Variants in KCNMA1 observed in about 807,000 individuals in gnomAD.
The protein encoded by KCNMA1 is Calcium-activated potassium channel subunit alpha-1.
In KCNMA1, 29 loss-of-function variants were observed where a neutral mutation model predicts 140.0. The ratio of observed to expected loss-of-function variants is 0.21; its 90% CI spans 0.15 to 0.28. KCNMA1 has a LOEUF of 0.28. KCNMA1 is among the 10% of genes least tolerant of loss of function. The pLI is 1.00. For missense variants in KCNMA1, 880 were observed against 1,602.2 expected (o/e 0.55, Z 7.70); for synonymous variants, 612 against 611.9 (o/e 1.00, Z 0.00).
At chr10:77,111,428 C>T (rs1196574642) in intron 7 of KCNMA1, among the ~76,000 whole-genome samples, 1 of 152,190 alleles carries the variant, frequency 6.6e-6, no homozygotes, top group Non-Finnish European at 1.5e-5. Context: ...AAGGTGGGGT[C>T]ATCATCTTAT....
chr10:77,441,890 G>A (rs964655689), intron 1 of KCNMA1, among the ~76,000 whole-genome samples: 2 of 151,874 alleles, frequency 1.3e-5, no homozygotes, highest in Non-Finnish European at 2.9e-5. Context: ...TCCCTAGTTG[G>A]CAGGATTGGA....
chr10:77,237,329 T>C (rs1330573349), intron 3 of KCNMA1, among the ~76,000 whole-genome samples: 1 of 152,210 alleles, frequency 6.6e-6, no homozygotes, highest in Non-Finnish European at 1.5e-5. Flanking sequence ...AAAGACTTCA[T>C]AGCTTGGAAA....
chr10:77,151,359 C>G (rs1223760192), intron 5 of KCNMA1, among the ~76,000 whole-genome samples: 2 of 149,650 alleles, frequency 1.3e-5, no homozygotes, highest in African/African-American at 5.0e-5. Context: ...CCCCAAGTAG[C>G]TAGGGACTCA....
chr10:76,965,742 C>A (rs1252105916), intron 20 of KCNMA1, among the ~76,000 whole-genome samples: 1 of 152,140 alleles, frequency 6.6e-6, no homozygotes, highest in Non-Finnish European at 1.5e-5. Flanking sequence ...AACATACTCA[C>A]CTGTAAAATG....
At chr10:77,190,542 C>G (rs1000445060) in intron 3 of KCNMA1, among the ~76,000 whole-genome samples, 1 of 152,136 alleles carries the variant, frequency 6.6e-6, no homozygotes, top group Admixed American at 6.6e-5. Flanking sequence ...ATCTACAGAG[C>G]CTCGCCTGGG....
intron 4 of KCNMA1, 88 bp downstream of exon 4, chr10:77,184,735 C>T (rs2098834201): frequency 5.8e-6 from 5 of 864,832 alleles, no homozygotes; most frequent in Non-Finnish European, 6.0e-6. Context: ...AATATCTTGA[C>T]TGCGAGAGCA....
intron 2 of KCNMA1, among the ~76,000 whole-genome samples, chr10:77,258,502 G>A (rs542014913): frequency 1.3e-5 from 2 of 152,282 alleles, no homozygotes; most frequent in Non-Finnish European, 2.9e-5. Context: ...CCTTGCCTCT[G>A]TGAGCTTTGA....
chr10:77,417,260 C>T (rs2096762678), intron 1 of KCNMA1, among the ~76,000 whole-genome samples: 1 of 152,238 alleles, frequency 6.6e-6, no homozygotes, highest in African/African-American at 2.4e-5. Context: ...TCTTTTGGTC[C>T]ATGCATGTTG....
chr10:77,559,139 T>C (rs1035680671), intron 1 of KCNMA1, among the ~76,000 whole-genome samples: 3 of 152,224 alleles, frequency 2.0e-5, no homozygotes, highest in Admixed American at 6.5e-5. Context: ...TGAGGTCTAA[T>C]GGTGGCCTCT....
At chr10:77,185,156 T>C (rs981517782) in intron 3 of KCNMA1, among the ~76,000 whole-genome samples, 2 of 152,104 alleles carry the variant, frequency 1.3e-5, no homozygotes, top group Admixed American at 6.6e-5. Flanking sequence ...TTATATACTA[T>C]CATTTTTTAT....
intron 9 of KCNMA1, among the ~76,000 whole-genome samples, chr10:77,104,553 A>G (rs1437753956): frequency 1.3e-5 from 2 of 151,992 alleles, no homozygotes; most frequent in Admixed American, 6.6e-5. Context: ...AACCCATCCC[A>G]TTCTCTCTGT....
chr10:77,387,091 T>G (rs185031489), intron 2 of KCNMA1, among the ~76,000 whole-genome samples: 1 of 152,172 alleles, frequency 6.6e-6, no homozygotes, highest in East Asian at 1.9e-4. Context: ...GTGTGCTTCA[T>G]GCAAAGAGAA....
At chr10:77,171,462 AGGTATGTTCCTCT>A (rs2098707955) in intron 5 of KCNMA1, among the ~76,000 whole-genome samples, 1 of 150,238 alleles carries the variant, frequency 6.7e-6, no homozygotes, top group Non-Finnish European at 1.5e-5. Context: ...TCAGGTATTC[AGGTATGTTCCTCT>A]GGTTTAAGAA....
chr10:76,870,130 A>G (rs1327820561), exon 28 of KCNMA1: 1 of 152,802 alleles, frequency 6.5e-6, no homozygotes, highest in Non-Finnish European at 1.5e-5. Flanking sequence ...ATTGAGCGGA[A>G]GGAAGGGGAG....
chr10:76,954,184 A>C (rs1176142477), intron 20 of KCNMA1, among the ~76,000 whole-genome samples: 2 of 151,962 alleles, frequency 1.3e-5, no homozygotes, highest in African/African-American at 4.8e-5. Context: ...TGGTCTTCCT[A>C]ACATTTTGTG....
chr10:77,524,053 G>C (rs1277545484), intron 1 of KCNMA1, among the ~76,000 whole-genome samples: 1 of 151,916 alleles, frequency 6.6e-6, no homozygotes, highest in African/African-American at 2.4e-5. Flanking sequence ...ACATCTCATG[G>C]GCTCCATAAA....
intron 20 of KCNMA1, among the ~76,000 whole-genome samples, chr10:76,963,586 C>G (rs2072586683): frequency 6.6e-6 from 1 of 152,096 alleles, no homozygotes. Context: ...TTGAAGGAGG[C>G]GCCTCACATT....
In KCNMA1 at chr10:76,885,194, C is replaced by A; in HGVS notation, c.*2072G>T. 1 of 876,006 alleles carries A rather than the reference C, an allele frequency of 1.1e-6. No homozygotes were observed. The allele number at this position is 876,006 out of a possible 1,614,324, so 54.3% of individuals were successfully genotyped here. ...CTTCATGATCCAATACTAGGGGATA[C>A]ATATATATAGTTATATATATAGTTA... On this transcript the variant is annotated 3_prime_UTR_variant, in exon 28 of 28. Transcript: ENST00000286628.
At chr10:77,193,967 T>A (rs1211186537) in intron 3 of KCNMA1, among the ~76,000 whole-genome samples, 3 of 152,160 alleles carry the variant, frequency 2.0e-5, no homozygotes, top group African/African-American at 7.2e-5. Context: ...TATGCCTTTT[T>A]TTTCTGGATA....
Sources: gnomAD v4.1 joint callset for allele counts (sites outside exome capture counted in the v4.1 genomes callset) on GRCh38, gnomAD v4.1.1 for gene constraint, MANE v1.5 for transcripts, NCBI Gene and HGNC (gene_info 2026-07-23, HGNC 2026-07-21) for gene names.